The following GRID2 variants were observed in gnomAD, a reference collection of about 807,000 sequenced individuals.
GRID2 encodes glutamate ionotropic receptor delta type subunit 2.
A neutral mutation model predicts 114.8 loss-of-function variants in GRID2; 33 were observed. The ratio of observed to expected loss-of-function variants is 0.29; its 90% CI spans 0.22 to 0.38. The LOEUF is 0.38. GRID2 is among the 10% of genes least tolerant of loss of function. GRID2 has a pLI of 1.00. For synonymous variants in GRID2, 505 were observed against 449.9 expected, an observed-to-expected ratio of 1.12 and a Z score of -1.55; for missense variants, 1,184 against 1,257.7, an observed-to-expected ratio of 0.94 and a Z score of 0.89.
intron 1 of GRID2, among the ~76,000 whole-genome samples, chr4:92,485,335 TATATATATATATA>T (rs1436327373): frequency 0.012 from 1,169 of 98,646 alleles, 30 homozygotes; most frequent in African/African-American, 0.038. Flanking sequence ...TATATATATA[TATATATATATATA>T]GTGTGTGTGT....
intron 4 of GRID2, among the ~76,000 whole-genome samples, chr4:93,167,979 AG>A (rs1738415860): frequency 6.6e-6 from 1 of 152,046 alleles, no homozygotes; most frequent in South Asian, 2.1e-4. Context: ...GCATCACTTG[AG>A]GTCATGGATT....
chr4:92,336,971 T>TTTTC (rs1354646045), intron 1 of GRID2, among the ~76,000 whole-genome samples: 1 of 149,738 alleles, frequency 6.7e-6, no homozygotes, highest in Non-Finnish European at 1.5e-5. Flanking sequence ...TTTTTTTTTT[T>TTTTC]TTTTCATGAA....
At chr4:93,693,184 T>G (rs983483159) in intron 14 of GRID2, among the ~76,000 whole-genome samples, 5 of 152,208 alleles carry the variant, frequency 3.3e-5, no homozygotes, top group African/African-American at 1.2e-4. Context: ...TGTCTAACAT[T>G]TTGAATCAGC....
At chr4:93,041,766 T>C (rs1725536997) in intron 2 of GRID2, among the ~76,000 whole-genome samples, 1 of 152,156 alleles carries the variant, frequency 6.6e-6, no homozygotes, top group Non-Finnish European at 1.5e-5. Context: ...AATATTTCTA[T>C]TATGAAATAT....
At chr4:92,778,222 T>C (rs536801248) in intron 2 of GRID2, among the ~76,000 whole-genome samples, 2 of 152,134 alleles carry the variant, frequency 1.3e-5, no homozygotes, top group East Asian at 2.0e-4. Context: ...TCCTCATTTA[T>C]ACCTTCTCCA....
intron 13 of GRID2, among the ~76,000 whole-genome samples, chr4:93,515,801 A>G (rs1729663048): frequency 6.6e-6 from 1 of 152,180 alleles, no homozygotes; most frequent in Admixed American, 6.6e-5. Flanking sequence ...TTTGGATTAA[A>G]CCGTCATCTT....
intron 2 of GRID2, among the ~76,000 whole-genome samples, chr4:92,607,045 A>G (rs1316956306): frequency 6.6e-6 from 1 of 152,014 alleles, no homozygotes; most frequent in Non-Finnish European, 1.5e-5. Context: ...AAACACAGCT[A>G]TCTCCAAATT....
At chr4:92,495,415 A>G (rs1384143879) in intron 1 of GRID2, among the ~76,000 whole-genome samples, 2 of 152,020 alleles carry the variant, frequency 1.3e-5, no homozygotes, top group Admixed American at 1.3e-4. Context: ...TTGTATAAAC[A>G]GGTAGAATGA....
chr4:92,695,059 C>T (rs568445898), intron 2 of GRID2, among the ~76,000 whole-genome samples: 13 of 152,154 alleles, frequency 8.5e-5, no homozygotes, highest in South Asian at 2.1e-4. Context: ...CCCTACTTCC[C>T]GGACTCAAGT....
intron 7 of GRID2, among the ~76,000 whole-genome samples, chr4:93,225,069 C>T (rs1368850579): frequency 2.6e-5 from 4 of 151,832 alleles, no homozygotes; most frequent in Non-Finnish European, 5.9e-5. Context: ...GTGCCTGTCG[C>T]AAAATACAAA....
At chr4:93,549,796 A>G (rs1008873238) in intron 13 of GRID2, among the ~76,000 whole-genome samples, 3 of 152,222 alleles carry the variant, frequency 2.0e-5, no homozygotes, top group Admixed American at 6.5e-5. Context: ...TTGAAACTAC[A>G]GCAGAGTTGA....
At chr4:92,885,656 G>A (rs1161688668) in intron 2 of GRID2, among the ~76,000 whole-genome samples, 1 of 152,046 alleles carries the variant, frequency 6.6e-6, no homozygotes, top group Non-Finnish European at 1.5e-5. Flanking sequence ...GGGATTCTTT[G>A]TTGTAAGATG....
At chr4:93,671,554 G>A (rs1001693706) in intron 14 of GRID2, among the ~76,000 whole-genome samples, 29 of 152,172 alleles carry the variant, frequency 1.9e-4, no homozygotes, top group Middle Eastern at 3.4e-3. Context: ...CAGTTTCCCC[G>A]TCTATGAAAT....
intron 2 of GRID2, among the ~76,000 whole-genome samples, chr4:92,655,272 T>C (rs1327402068): frequency 1.3e-5 from 2 of 151,960 alleles, no homozygotes; most frequent in African/African-American, 2.4e-5. Flanking sequence ...TGTTCTGTTT[T>C]GGTTACTATA....
At chr4:93,180,507 T>C (rs72889650) in intron 4 of GRID2, among the ~76,000 whole-genome samples, 3 of 152,132 alleles carry the variant, frequency 2.0e-5, no homozygotes, top group Non-Finnish European at 4.4e-5. Context: ...CAGTGAAGTT[T>C]GTCATACCAA....
intron 8 of GRID2, among the ~76,000 whole-genome samples, chr4:93,270,215 TACACACACACAC>T (rs34945534): frequency 0.026 from 3,628 of 137,172 alleles, 181 homozygotes; most frequent in East Asian, 0.25. Context: ...CACACACACA[TACACACACACAC>T]ACACACACAC....
chr4:93,116,751 G>GTC, intron 4 of GRID2, among the ~76,000 whole-genome samples: 1 of 145,646 alleles, frequency 6.9e-6, no homozygotes, highest in Non-Finnish European at 1.5e-5. Flanking sequence ...AAGGAAGAGG[G>GTC]TTTTTTTTTT....
intron 6 of GRID2, among the ~76,000 whole-genome samples, chr4:93,221,229 A>AT: frequency 6.6e-6 from 1 of 152,164 alleles, no homozygotes; most frequent in Non-Finnish European, 1.5e-5. Flanking sequence ...TGGATACTAA[A>AT]TTTTTAACAG....
chr4:92,605,452 A>G (rs1729410860), intron 2 of GRID2, among the ~76,000 whole-genome samples: 1 of 152,052 alleles, frequency 6.6e-6, no homozygotes, highest in Admixed American at 6.6e-5. Context: ...ATACAAAGAG[A>G]TCTAGAAAAG....
Sources: allele counts gnomAD v4.1 joint callset (sites outside exome capture counted in the v4.1 genomes callset), GRCh38; gene constraint gnomAD v4.1.1; transcripts MANE v1.5; gene names NCBI Gene and HGNC (gene_info 2026-07-23, HGNC 2026-07-21).